EPHA6: variants seen among roughly 807,000 people sequenced by gnomAD.
EPHA6 encodes the protein EPH receptor A6.
A neutral mutation model predicts 112.0 loss-of-function variants in EPHA6; 50 were observed. The observed-to-expected ratio is 0.45, with a 90% CI of 0.36 to 0.56. The LOEUF (loss-of-function observed/expected upper bound fraction) is 0.56. Ranked by LOEUF, EPHA6 falls within the 20% of genes least tolerant of loss-of-function variation. EPHA6 has a pLI of 0.00. For synonymous variants in EPHA6, 529 were observed against 490.7 expected, an observed-to-expected ratio of 1.08 and a Z score of -1.03; for missense variants, 1,280 against 1,417.4, an observed-to-expected ratio of 0.90 and a Z score of 1.56.
At chr3:97,568,270 T>A (rs1366565469) in intron 11 of EPHA6, among the ~76,000 whole-genome samples, 1 of 152,252 alleles carries the variant, frequency 6.6e-6, no homozygotes. Context: ...TTTCCAGAAT[T>A]ACAGAGAATC....
intron 1 of EPHA6, among the ~76,000 whole-genome samples, chr3:96,829,609 C>T (rs1010022983): frequency 1.3e-5 from 2 of 152,002 alleles, no homozygotes; most frequent in African/African-American, 4.8e-5. Flanking sequence ...TTTTGGTATT[C>T]AACAATTAGT....
At chr3:97,200,441 T>A (rs2077550341) in intron 3 of EPHA6, among the ~76,000 whole-genome samples, 1 of 152,134 alleles carries the variant, frequency 6.6e-6, no homozygotes, top group Non-Finnish European at 1.5e-5. Context: ...TGTGATTGAC[T>A]ATATGAGATA....
At chr3:97,337,214 G>A (rs1211928770) in intron 5 of EPHA6, among the ~76,000 whole-genome samples, 1 of 152,106 alleles carries the variant, frequency 6.6e-6, no homozygotes, top group Non-Finnish European at 1.5e-5. Flanking sequence ...ACCAGCAGGT[G>A]TTGTACCTGA....
chr3:97,095,348 T>C (rs2047204080), intron 3 of EPHA6, among the ~76,000 whole-genome samples: 2 of 151,896 alleles, frequency 1.3e-5, no homozygotes, highest in African/African-American at 4.8e-5. Flanking sequence ...ATATACCTAA[T>C]GTAAATGATG....
chr3:97,072,989 T>G (rs948243375), intron 3 of EPHA6, among the ~76,000 whole-genome samples: 2 of 152,150 alleles, frequency 1.3e-5, no homozygotes, highest in Non-Finnish European at 2.9e-5. Context: ...AGGCCTCAGA[T>G]TAACTTTGAC....
chr3:97,310,947 T>C (rs2081531624), intron 5 of EPHA6, among the ~76,000 whole-genome samples: 1 of 151,680 alleles, frequency 6.6e-6, no homozygotes, highest in Non-Finnish European at 1.5e-5. Flanking sequence ...AAGTATCCAC[T>C]TCCTAACACA....
At chr3:97,709,189 G>A (rs368244938) in intron 14 of EPHA6, among the ~76,000 whole-genome samples, 18 of 149,546 alleles carry the variant, frequency 1.2e-4, no homozygotes, top group African/African-American at 3.4e-4. Flanking sequence ...GGCACTCAAC[G>A]CCAGCCTGTG....
intron 14 of EPHA6, chr3:97,646,201 G>C (rs908501687): frequency 1.4e-5 from 22 of 1,535,584 alleles, no homozygotes; most frequent in Non-Finnish European, 1.7e-5. Flanking sequence ...TGCGAGTCCA[G>C]CTCTGGTTAT....
At chr3:97,338,203 A>T (rs1332667752) in intron 5 of EPHA6, among the ~76,000 whole-genome samples, 3 of 152,032 alleles carry the variant, frequency 2.0e-5, no homozygotes, top group Non-Finnish European at 4.4e-5. Flanking sequence ...AATTCTATAT[A>T]TCCATCTCAG....
chr3:97,500,404 G>A (rs533165517), intron 10 of EPHA6, among the ~76,000 whole-genome samples: 1 of 152,252 alleles, frequency 6.6e-6, no homozygotes, highest in Admixed American at 6.5e-5. Context: ...AATGGTGGAA[G>A]GTGAAGGGGG....
At chr3:97,526,893 G>A (rs1383107713) in intron 10 of EPHA6, among the ~76,000 whole-genome samples, 3 of 151,920 alleles carry the variant, frequency 2.0e-5, no homozygotes, top group African/African-American at 7.2e-5. Context: ...TCTTATTATG[G>A]ATGGGATTAC....
intron 14 of EPHA6, among the ~76,000 whole-genome samples, chr3:97,659,558 C>A (rs2094157030): frequency 6.6e-6 from 1 of 151,778 alleles, no homozygotes; most frequent in Non-Finnish European, 1.5e-5. Flanking sequence ...CTAATTGATA[C>A]ACATGGGGGA....
In EPHA6 at chr3:97,502,167, CT is replaced by C. The variant is rs773321621; in HGVS notation, c.2200+18129del. Among the ~76,000 whole-genome samples the C allele has an allele frequency of 9.5e-3, 1,175 of 124,296 alleles. 2 individuals carry two copies. The highest frequency in any genetic ancestry group is 0.019 in the African/African-American group (587 of 30,558). The allele number at this position is 124,296 out of a possible 152,430, so 81.5% of individuals were successfully genotyped here. On this transcript the variant is annotated intron_variant, in intron 10 of 17. Coordinates refer to ENST00000389672, the MANE Select transcript of EPHA6 (RefSeq NM_001080448.3). ...GAGCAAGATTTACAGTAACTACCTG[CT>C]TTTTTTTTTTTTTTTTTTTTGACAG...
intron 10 of EPHA6, among the ~76,000 whole-genome samples, chr3:97,505,297 G>A (rs547658856): frequency 1.3e-4 from 20 of 152,112 alleles, no homozygotes; most frequent in Middle Eastern, 3.4e-3. Flanking sequence ...CCATCAACCC[G>A]TCATCTACAT....
At chr3:97,321,215 C>A (rs1235551492) in intron 5 of EPHA6, among the ~76,000 whole-genome samples, 1 of 151,920 alleles carries the variant, frequency 6.6e-6, no homozygotes, top group Non-Finnish European at 1.5e-5. Flanking sequence ...AGTTATCATA[C>A]TTATTTTTCC....
chr3:97,628,931 T>A (rs1169517070), intron 13 of EPHA6, among the ~76,000 whole-genome samples: 2 of 146,586 alleles, frequency 1.4e-5, no homozygotes, highest in Non-Finnish European at 3.0e-5. Context: ...CACCAATAAC[T>A]ATTTGTTTGT....
At chr3:97,406,644 G>C (rs933769861) in intron 6 of EPHA6, among the ~76,000 whole-genome samples, 1 of 152,160 alleles carries the variant, frequency 6.6e-6, no homozygotes, top group Admixed American at 6.6e-5. Flanking sequence ...GATAATGGGA[G>C]AGGTAACTTA....
chr3:97,274,950 TC>T (rs1431049438), intron 5 of EPHA6, among the ~76,000 whole-genome samples: 1 of 152,096 alleles, frequency 6.6e-6, no homozygotes, highest in African/African-American at 2.4e-5. Context: ...ACTATATGCG[TC>T]AGGTATGAGG....
intron 5 of EPHA6, among the ~76,000 whole-genome samples, chr3:97,254,347 C>G (rs1236767310): frequency 1.3e-5 from 2 of 152,044 alleles, no homozygotes; most frequent in Admixed American, 1.3e-4. Context: ...TGCCACCACG[C>G]CAGGGTAATT....
Sources: allele counts gnomAD v4.1 joint callset (sites outside exome capture counted in the v4.1 genomes callset), GRCh38; gene constraint gnomAD v4.1.1; transcripts MANE v1.5; gene names NCBI Gene and HGNC (gene_info 2026-07-23, HGNC 2026-07-21).